RORA: variants seen among roughly 807,000 people sequenced by gnomAD.
The protein encoded by RORA is nuclear receptor ROR-alpha.
A neutral mutation model predicts 69.5 loss-of-function variants in RORA; 7 were observed. The observed-to-expected ratio is 0.10, with a 90% CI of 0.06 to 0.19. The LOEUF (loss-of-function observed/expected upper bound fraction) is 0.19. RORA is among the 10% of genes least tolerant of loss of function. The pLI, the probability that RORA is intolerant of heterozygous loss-of-function variation, is 1.00. For synonymous variants in RORA, 261 were observed against 240.8 expected (o/e 1.08, Z -0.78); for missense variants, 457 against 663.0 (o/e 0.69, Z 3.41).
intron 2 of RORA, among the ~76,000 whole-genome samples, chr15:60,541,880 G>A (rs984066281): frequency 2.6e-5 from 4 of 152,130 alleles, no homozygotes; most frequent in Non-Finnish European, 2.9e-5. Context: ...TCAAAACGAG[G>A]CCCGCACCAC....
chr15:61,064,940 C>A (rs571491380), intron 1 of RORA, among the ~76,000 whole-genome samples: 1 of 152,306 alleles, frequency 6.6e-6, no homozygotes, highest in African/African-American at 2.4e-5. Flanking sequence ...CACTCTTCCC[C>A]ATCTCCCAGC....
intron 2 of RORA, among the ~76,000 whole-genome samples, chr15:60,669,925 A>G (rs2070439075): frequency 6.6e-6 from 1 of 152,214 alleles, no homozygotes; most frequent in Admixed American, 6.5e-5. Context: ...TAGATTACCT[A>G]TACTGCAATG....
chr15:60,801,277 C>T (rs535602324), intron 1 of RORA, among the ~76,000 whole-genome samples: 9 of 152,304 alleles, frequency 5.9e-5, no homozygotes, highest in Admixed American at 4.6e-4. Flanking sequence ...CCCCTCCCCC[C>T]TCCTTCGACA....
At chr15:61,198,690 AGAC>A (rs2079868186) in intron 1 of RORA, among the ~76,000 whole-genome samples, 1 of 151,182 alleles carries the variant, frequency 6.6e-6, no homozygotes, top group East Asian at 1.9e-4. Context: ...AAAAAAAAAA[AGAC>A]AACTACTATA....
At chr15:60,516,219 ATATTTATATATATATTTAT>A (rs1466035682) in intron 3 of RORA, among the ~76,000 whole-genome samples, 34 of 12,376 alleles carry the variant, frequency 2.7e-3, no homozygotes, top group African/African-American at 9.0e-3. Context: ...TTATATATAT[ATATTTATATATATATTTAT>A]ATATATATAT....
chr15:60,941,819 A>C (rs1892705253), intron 1 of RORA, among the ~76,000 whole-genome samples: 1 of 152,206 alleles, frequency 6.6e-6, no homozygotes, highest in Non-Finnish European at 1.5e-5. Flanking sequence ...GGAGGTAAGG[A>C]AGGGTTTTAA....
intron 1 of RORA, among the ~76,000 whole-genome samples, chr15:61,043,638 T>A (rs1024618508): frequency 2.6e-5 from 4 of 152,282 alleles, no homozygotes; most frequent in South Asian, 4.1e-4. Flanking sequence ...TGTCATACAG[T>A]TCCCTCCCAC....
chr15:60,515,135 C>T (rs972740289), intron 3 of RORA, among the ~76,000 whole-genome samples: 1 of 152,148 alleles, frequency 6.6e-6, no homozygotes, highest in African/African-American at 2.4e-5. Context: ...AAAATAAATA[C>T]AAAACACTTC....
At chr15:60,871,254 C>T (rs1347822063) in intron 1 of RORA, among the ~76,000 whole-genome samples, 1 of 151,920 alleles carries the variant, frequency 6.6e-6, no homozygotes, top group Non-Finnish European at 1.5e-5. Flanking sequence ...TTTCAAACCA[C>T]ACCAAAGCAC....
intron 1 of RORA, among the ~76,000 whole-genome samples, chr15:60,921,678 C>T (rs1892052770): frequency 6.6e-6 from 1 of 152,108 alleles, no homozygotes; most frequent in African/African-American, 2.4e-5. Context: ...TGCTCCAATA[C>T]AATTAAAGAA....
chr15:60,637,394 CTGAT>C (rs1345069306), intron 2 of RORA, among the ~76,000 whole-genome samples: 4 of 151,906 alleles, frequency 2.6e-5, no homozygotes, highest in Admixed American at 1.3e-4. Context: ...GTCCTTTTTG[CTGAT>C]TGTTTATGAT....
At position 60,993,794 on chromosome 15, in the gene RORA, T is replaced by G. The variant is rs142896085; in HGVS notation, c.166+235259A>C. On this transcript the variant is annotated intron_variant, in intron 1 of 10. Coordinates refer to ENST00000335670, the MANE Select transcript of RORA (RefSeq NM_134261.3). ...GCAATCTTTTAAACCATCAGCAAAATCATTTGGTATTCTTAGACACCCACA... is the reference window on the plus strand; with the variant it reads ...GCAATCTTTTAAACCATCAGCAAAAGCATTTGGTATTCTTAGACACCCACA... Among the ~76,000 whole-genome samples the G allele has an allele frequency of 4.3e-3, 661 of 152,096 alleles. 9 individuals are homozygous for G. Among genetic ancestry groups the G allele is most frequent in the African/African-American group, 0.015 (631 of 41,498 alleles).
At chr15:61,045,347 G>A (rs767326339) in intron 1 of RORA, among the ~76,000 whole-genome samples, 7 of 152,152 alleles carry the variant, frequency 4.6e-5, no homozygotes, top group East Asian at 1.9e-4. Flanking sequence ...CAGCCATGTG[G>A]AACTGTGAGT....
At chr15:61,126,878 A>G (rs2079147153) in intron 1 of RORA, among the ~76,000 whole-genome samples, 1 of 152,244 alleles carries the variant, frequency 6.6e-6, no homozygotes. Flanking sequence ...AAAGCAACTT[A>G]GGTTGTTAAG....
chr15:60,894,513 T>G (rs1420945969), intron 1 of RORA, among the ~76,000 whole-genome samples: 1 of 152,112 alleles, frequency 6.6e-6, no homozygotes, highest in Non-Finnish European at 1.5e-5. Flanking sequence ...AACTGAGGAT[T>G]TTTGAGGGAG....
intron 2 of RORA, among the ~76,000 whole-genome samples, chr15:60,561,820 G>C (rs1303794619): frequency 1.3e-5 from 2 of 152,086 alleles, no homozygotes; most frequent in African/African-American, 2.4e-5. Context: ...CCCATGCAGG[G>C]GTGGTGGTGG....
At chr15:60,608,381 T>C (rs2069002010) in intron 2 of RORA, among the ~76,000 whole-genome samples, 1 of 152,196 alleles carries the variant, frequency 6.6e-6, no homozygotes, top group South Asian at 2.1e-4. Context: ...AAGGCTAAGT[T>C]TGACACTTAA....
chr15:60,974,751 C>T (rs1426680340), intron 1 of RORA, among the ~76,000 whole-genome samples: 1 of 152,188 alleles, frequency 6.6e-6, no homozygotes, highest in African/African-American at 2.4e-5. Flanking sequence ...AGGGCCTGGC[C>T]TCATCCTAGA....
chr15:60,979,279 T>TTA (rs1555399179), intron 1 of RORA, among the ~76,000 whole-genome samples: 1 of 145,946 alleles, frequency 6.9e-6, no homozygotes, highest in Non-Finnish European at 1.5e-5. Flanking sequence ...TTTTTTTTTT[T>TTA]TTTTTTTTTT....
Sources: gnomAD v4.1 joint callset for allele counts (sites outside exome capture counted in the v4.1 genomes callset) on GRCh38, gnomAD v4.1.1 for gene constraint, MANE v1.5 for transcripts, NCBI Gene and HGNC (gene_info 2026-07-23, HGNC 2026-07-21) for gene names.